The following ELL2 variants were observed in gnomAD, a reference collection of about 807,000 sequenced individuals.
The protein encoded by ELL2 is elongation factor for RNA polymerase II 2, also known as RNA polymerase II elongation factor ELL2.
ELL2 carries 21 observed loss-of-function variants against 72.8 expected under a neutral mutation model. The observed-to-expected ratio is 0.29, with a 90% confidence interval of 0.20 to 0.42. The LOEUF (loss-of-function observed/expected upper bound fraction) is 0.42. ELL2 is among the 10% of genes least tolerant of loss of function. The pLI is 1.00. For missense variants in ELL2, 568 were observed against 772.8 expected (o/e 0.73, Z 3.14); for synonymous variants, 266 against 283.2 (o/e 0.94, Z 0.61).
rs1749305542 is a variant in ELL2, at chr5:95,905,150, T to A, written c.741+1373A>T. ...ATTCTAATATGTTACCAGGATGAGA[T>A]GATGCTCTAGATTCTATCAAATGAT... On this transcript the variant is annotated intron_variant, in intron 5 of 11. Transcript: ENST00000237853. 2.0e-5 allele frequency among the ~76,000 whole-genome samples: 3 copies of A among 152,130 alleles called. No individual in the cohort carries two copies. In the South Asian group the frequency reaches 6.2e-4, roughly 32 times the overall value.
intron 4 of ELL2, among the ~76,000 whole-genome samples, chr5:95,912,005 G>C (rs1202606327): frequency 1.3e-5 from 2 of 152,122 alleles, no homozygotes; most frequent in African/African-American, 2.4e-5. Context: ...GGTATAATTT[G>C]GTTCACATGT....
intron 2 of ELL2, among the ~76,000 whole-genome samples, chr5:95,921,161 C>T (rs1177405087): frequency 2.0e-5 from 3 of 152,102 alleles, no homozygotes; most frequent in Non-Finnish European, 1.5e-5. Flanking sequence ...AGAAGGGAGA[C>T]AATTGTAGTA....
intron 9 of ELL2, among the ~76,000 whole-genome samples, chr5:95,892,467 C>T (rs1748704365): frequency 6.6e-6 from 1 of 152,186 alleles, no homozygotes; most frequent in Admixed American, 6.5e-5. Context: ...TACAGTATTA[C>T]TTATTTGTAG....
At chr5:95,910,708 C>T (rs1430792838) in intron 4 of ELL2, among the ~76,000 whole-genome samples, 3 of 152,154 alleles carry the variant, frequency 2.0e-5, no homozygotes, top group Non-Finnish European at 1.5e-5. Flanking sequence ...GCCGTCATCA[C>T]GCTACCACCA....
At chr5:95,890,933 A>T in intron 10 of ELL2, 170 bp downstream of exon 10, 1 of 760,352 alleles carries the variant, frequency 1.3e-6, no homozygotes, top group Non-Finnish European at 2.2e-6. Context: ...TTACTATGTT[A>T]ATTTATTTTC....
At chr5:95,910,464 A>G (rs1007523541) in intron 4 of ELL2, among the ~76,000 whole-genome samples, 3 of 151,564 alleles carry the variant, frequency 2.0e-5, no homozygotes, top group Non-Finnish European at 4.4e-5. Flanking sequence ...TTTTTTTTTT[A>G]TATCAGTGTT....
rs763212902 is a variant in ELL2, at chr5:95,913,762, T to G, written c.481+9A>C. Reference sequence around the variant, plus strand: ...AATCAGCAAGAGGAAGAAAGATATCTATACAAACCTACATATGGTCCACCG... The same window carrying G: ...AATCAGCAAGAGGAAGAAAGATATCGATACAAACCTACATATGGTCCACCG... On this transcript the variant is annotated intron_variant, in intron 4 of 11. Coordinates refer to ENST00000237853, the MANE Select transcript of ELL2 (RefSeq NM_012081.6). The G allele has an allele frequency of 2.5e-6, 4 of 1,585,542 alleles. No homozygotes were observed. In the African/African-American group the frequency reaches 5.5e-5, roughly 22 times the overall value.
chr5:95,919,523 T>C lies in ELL2; in HGVS notation c.218A>G (p.Asp73Gly). 1 of 1,566,052 alleles carries C rather than the reference T, an allele frequency of 6.4e-7. No homozygotes were observed. The change falls in exon 3 of 12, where the codon GAT (aspartate) becomes GGT (glycine). Residue 73 changes from aspartate to glycine, a missense_variant. Asp to Gly is a moderately conservative substitution (Grantham distance 94). Transcript: ENST00000237853. ...AAAGTTATGAACTTCATTGAGGGGATCATTTTTGGGAATTTTGACAAGCTA... is the reference window on the plus strand; with the variant it reads ...AAAGTTATGAACTTCATTGAGGGGACCATTTTTGGGAATTTTGACAAGCTA... ...LHGLVKIPKN[D>G]PLNEVHNFNF... is the part of the protein sequence containing the mutation.
At chr5:95,955,602 G>T (rs769540351) in intron 1 of ELL2, among the ~76,000 whole-genome samples, 17 of 152,132 alleles carry the variant, frequency 1.1e-4, no homozygotes, top group Non-Finnish European at 2.4e-4. Flanking sequence ...GTGTTTTCCA[G>T]CTTTAATTTG....
At chr5:95,895,575 G>T in intron 9 of ELL2, 53 bp downstream of exon 9, 1 of 1,527,978 alleles carries the variant, frequency 6.5e-7, no homozygotes, top group Non-Finnish European at 9.0e-7. Flanking sequence ...AAAAGAATTT[G>T]CAAACTTTCT....
At chr5:95,920,418 C>T (rs1277563903) in intron 2 of ELL2, among the ~76,000 whole-genome samples, 5 of 151,766 alleles carry the variant, frequency 3.3e-5, no homozygotes, top group African/African-American at 1.2e-4. Flanking sequence ...TCAAGCAATT[C>T]TCTGCCTCAG....
chr5:95,955,998 A>G (rs1181094696), intron 1 of ELL2, among the ~76,000 whole-genome samples: 3 of 152,110 alleles, frequency 2.0e-5, no homozygotes, highest in Admixed American at 1.3e-4. Context: ...CAATTACCTA[A>G]TAAGCCTTAT....
intron 2 of ELL2, among the ~76,000 whole-genome samples, chr5:95,937,204 C>T (rs894549807): frequency 1.3e-5 from 2 of 152,130 alleles, no homozygotes; most frequent in African/African-American, 4.8e-5. Context: ...CTTGCTGTAG[C>T]TCACAGTGGG....
chr5:95,956,116 C>T (rs569519917), intron 1 of ELL2, among the ~76,000 whole-genome samples: 17 of 152,252 alleles, frequency 1.1e-4, no homozygotes, highest in African/African-American at 3.9e-4. Flanking sequence ...AAGAATTCTA[C>T]GCCCCTTTCC....
At chr5:95,895,476 G>A in intron 9 of ELL2, 152 bp downstream of exon 9, 2 of 673,194 alleles carry the variant, frequency 3.0e-6, no homozygotes, top group East Asian at 2.7e-5. Flanking sequence ...TTTGGGATGA[G>A]CAGGCTAAAT....
chr5:95,914,559 AT>A (rs200517512), intron 3 of ELL2, among the ~76,000 whole-genome samples: 1 of 151,784 alleles, frequency 6.6e-6, no homozygotes, highest in Non-Finnish European at 1.5e-5. Flanking sequence ...TTTTATAGCA[AT>A]TTTTTTTTAA....
rs1251678819 is a variant in ELL2 at position 95,907,201 on chromosome 5, A to T, written c.482-419T>A. 2.0e-5 allele frequency among the ~76,000 whole-genome samples: 3 copies of T among 151,382 alleles called. No individual in the cohort carries two copies. The East Asian group carries it at 5.8e-4, about 29-fold the overall frequency. ...CTCTCTAAGAACACACTCTTGGCTG[A>T]GCATTACGTTAGTAATTTCACACGT... On this transcript the variant is annotated intron_variant, in intron 4 of 11. Transcript: ENST00000237853.
intron 1 of ELL2, among the ~76,000 whole-genome samples, chr5:95,955,644 T>C (rs1476186334): frequency 6.6e-6 from 1 of 152,244 alleles, no homozygotes; most frequent in Non-Finnish European, 1.5e-5. Context: ...TTTATTATAT[T>C]CTACTCCAGA....
Position 95,919,432 on chromosome 5 carries a change from T to C in ELL2, c.309A>G (p.Thr103=), listed in dbSNP as rs201134418. The change falls in exon 3 of 12, where the codon ACA becomes ACG. Residue 103 remains threonine (T), a synonymous_variant. Transcript: ENST00000237853. ...PQGSFDCIQQ[T]FSSSGASQLN... ...CCTTGAAAAGTACTTACCTGGAGAA[T>C]GTTTGCTGGATGCAGTCAAAGCTGC... is the stretch of plus-strand genomic sequence containing the variant. 182 of 1,582,592 alleles carry C rather than the reference T, an allele frequency of 1.2e-4. No homozygotes were observed. The East Asian group carries it at 3.0e-3, about 26-fold the overall frequency.
Sources: gnomAD v4.1 joint callset for allele counts (sites outside exome capture counted in the v4.1 genomes callset) on GRCh38, gnomAD v4.1.1 for gene constraint, MANE v1.5 for transcripts, NCBI Gene and HGNC (gene_info 2026-07-23, HGNC 2026-07-21) for gene names.